Variants in ALK observed in about 807,000 individuals in gnomAD.
The protein encoded by ALK is ALK tyrosine kinase receptor.
Under a neutral mutation model 163.1 loss-of-function variants are expected in ALK, and 74 were observed. That is an observed-to-expected ratio of 0.45 (90% CI 0.38 to 0.55). The LOEUF is 0.55. Among genes scored for constraint, ALK ranks in the 20% least tolerant of loss-of-function variants. The pLI, the probability that ALK is intolerant of heterozygous loss-of-function variation, is 0.00. For synonymous variants in ALK, 960 were observed against 843.2 expected, an observed-to-expected ratio of 1.14 and a Z score of -2.40; for missense variants, 2,063 against 2,105.3, an observed-to-expected ratio of 0.98 and a Z score of 0.39.
rs139700534 is a variant in ALK, at chr2:29,775,384, T to A, written c.668-57687A>T. 3.4e-3 allele frequency among the ~76,000 whole-genome samples: 525 copies of A among 152,278 alleles called. 1 individual carries two copies. Among genetic ancestry groups the A allele is most frequent in the Admixed American group, 5.7e-3 (87 of 15,304 alleles). On this transcript the variant is annotated intron_variant, in intron 1 of 28. Coordinates refer to ENST00000389048, the MANE Select transcript of ALK (RefSeq NM_004304.5). ...CTTGTTATTTTGCTAACCAAAGGAA[T>A]TGGAGATTGTCATGCCACCAGGGTA... is the stretch of plus-strand genomic sequence containing the variant.
chr2:29,294,961 T>C (rs1377181588), intron 9 of ALK, among the ~76,000 whole-genome samples: 1 of 152,220 alleles, frequency 6.6e-6, no homozygotes, highest in Admixed American at 6.5e-5. Context: ...CAGTACCATT[T>C]GCCTCTGGAT....
intron 5 of ALK, among the ~76,000 whole-genome samples, chr2:29,344,717 C>T (rs1038470765): frequency 6.6e-6 from 1 of 152,238 alleles, no homozygotes; most frequent in Non-Finnish European, 1.5e-5. Flanking sequence ...GTTTTTGCTA[C>T]TATGCTCTGG....
chr2:29,783,739 C>CACT (rs1388515707), intron 1 of ALK, among the ~76,000 whole-genome samples: 1 of 152,158 alleles, frequency 6.6e-6, no homozygotes, highest in Non-Finnish European at 1.5e-5. Context: ...ACAGGAAAAA[C>CACT]ACTACCCTTT....
chr2:29,308,079 A>ATT (rs57196625), intron 8 of ALK, among the ~76,000 whole-genome samples: 3 of 146,810 alleles, frequency 2.0e-5, no homozygotes, highest in African/African-American at 7.5e-5. Flanking sequence ...TTCTTTTCCA[A>ATT]TTTTTTTTTT....
At chr2:29,742,798 G>C (rs962400733) in intron 1 of ALK, among the ~76,000 whole-genome samples, 5 of 152,054 alleles carry the variant, frequency 3.3e-5, no homozygotes, top group African/African-American at 1.2e-4. Flanking sequence ...TTTGCTCTAA[G>C]ACACCTAGAG....
intron 4 of ALK, among the ~76,000 whole-genome samples, chr2:29,467,632 C>T (rs1274113622): frequency 6.6e-6 from 1 of 152,180 alleles, no homozygotes; most frequent in Non-Finnish European, 1.5e-5. Context: ...AGACCAGTTC[C>T]TCTCAAAGTG....
intron 4 of ALK, among the ~76,000 whole-genome samples, chr2:29,467,755 CAG>C (rs1466714169): frequency 1.3e-5 from 2 of 152,112 alleles, no homozygotes; most frequent in South Asian, 2.1e-4. Context: ...GAGTATATTA[CAG>C]AGTTTTCCAG....
intron 1 of ALK, among the ~76,000 whole-genome samples, chr2:29,757,704 A>G (rs907131946): frequency 6.5e-4 from 99 of 152,160 alleles, no homozygotes; most frequent in African/African-American, 2.2e-3. Context: ...AGAGGTCAGC[A>G]AACATTTTTC....
intron 4 of ALK, among the ~76,000 whole-genome samples, chr2:29,528,367 C>T (rs1573431781): frequency 6.6e-6 from 1 of 152,336 alleles, no homozygotes; most frequent in East Asian, 1.9e-4. Context: ...CAGACAATTG[C>T]TGCTGGATTG....
chr2:29,580,188 G>A (rs959743364), intron 3 of ALK, among the ~76,000 whole-genome samples: 9 of 152,074 alleles, frequency 5.9e-5, no homozygotes, highest in Non-Finnish European at 1.3e-4. Flanking sequence ...TGTTTTTTAT[G>A]AAAGTCCAAC....
chr2:29,890,301 G>T (rs747443993), intron 1 of ALK: 6 of 140,928 alleles, frequency 4.3e-5, no homozygotes, highest in Admixed American at 7.5e-5. Flanking sequence ...TGAAACAGTG[G>T]AAGTTTCCAG....
chr2:29,755,255 G>A (rs904694584), intron 1 of ALK, among the ~76,000 whole-genome samples: 17 of 152,196 alleles, frequency 1.1e-4, no homozygotes, highest in African/African-American at 4.1e-4. Flanking sequence ...GGGACTCATG[G>A]ACTTGGAGTC....
intron 4 of ALK, among the ~76,000 whole-genome samples, chr2:29,447,113 C>G (rs547003497): frequency 6.6e-6 from 1 of 152,170 alleles, no homozygotes; most frequent in South Asian, 2.1e-4. Context: ...GCTGGGGCCT[C>G]GTCTCCTGGC....
intron 2 of ALK, among the ~76,000 whole-genome samples, chr2:29,705,287 A>ATATATCTATC (rs1553349889): frequency 2.5e-5 from 3 of 117,670 alleles, no homozygotes; most frequent in African/African-American, 9.2e-5. Flanking sequence ...ATATAAATAT[A>ATATATCTATC]TATCTGCTGT....
At chr2:29,839,023 A>ATG (rs1204664563) in intron 1 of ALK, among the ~76,000 whole-genome samples, 1 of 152,176 alleles carries the variant, frequency 6.6e-6, no homozygotes. Flanking sequence ...CATCACTTTT[A>ATG]CCACCCAAAA....
chr2:29,664,695 C>T (rs1677455241), intron 3 of ALK, among the ~76,000 whole-genome samples: 1 of 152,144 alleles, frequency 6.6e-6, no homozygotes, highest in Non-Finnish European at 1.5e-5. Flanking sequence ...CAACCCAGCT[C>T]CACCCCACCT....
At chr2:29,706,900 G>A (rs116886439) in intron 2 of ALK, among the ~76,000 whole-genome samples, 20 of 151,920 alleles carry the variant, frequency 1.3e-4, no homozygotes, top group Admixed American at 7.9e-4. Context: ...AGCAGTAAGA[G>A]AGTTGAGACC....
chr2:29,311,073 C>G (rs1452373590), intron 8 of ALK, among the ~76,000 whole-genome samples: 1 of 152,194 alleles, frequency 6.6e-6, no homozygotes, highest in Non-Finnish European at 1.5e-5. Context: ...ATGCCTAGAC[C>G]CCAGCTAAAG....
At chr2:29,253,454 A>C (rs1343861987) in intron 11 of ALK, among the ~76,000 whole-genome samples, 1 of 152,152 alleles carries the variant, frequency 6.6e-6, no homozygotes, top group Non-Finnish European at 1.5e-5. Flanking sequence ...AAGGGGTAGG[A>C]AATTTCGCTG....
Sources: allele counts gnomAD v4.1 joint callset (sites outside exome capture counted in the v4.1 genomes callset), GRCh38; gene constraint gnomAD v4.1.1; transcripts MANE v1.5; gene names NCBI Gene and HGNC (gene_info 2026-07-23, HGNC 2026-07-21).